IGF1R: variants seen among roughly 807,000 people sequenced by gnomAD.
The protein encoded by IGF1R is insulin like growth factor 1 receptor, also known as insulin-like growth factor 1 receptor.
Under a neutral mutation model 144.6 loss-of-function variants are expected in IGF1R, and 44 were observed. The ratio of observed to expected loss-of-function variants is 0.30; its 90% CI spans 0.24 to 0.39. IGF1R has a LOEUF of 0.39. Among genes scored for constraint, IGF1R ranks in the 10% least tolerant of loss-of-function variants. The pLI is 1.00. For missense variants in IGF1R, 1,355 were observed against 1,833.7 expected (o/e 0.74, Z 4.77); for synonymous variants, 795 against 722.8 (o/e 1.10, Z -1.60).
At chr15:98,911,273 C>T (rs1174624378) in intron 6 of IGF1R, 42 bp from the exon 7 acceptor site, 8 of 1,612,894 alleles carry the variant, frequency 5.0e-6, no homozygotes, top group Non-Finnish European at 6.8e-6. Flanking sequence ...TTTTCAGAGA[C>T]ACATGAATCT....
intron 17 of IGF1R, among the ~76,000 whole-genome samples, chr15:98,938,411 G>A (rs2016238843): frequency 1.3e-5 from 2 of 152,200 alleles, no homozygotes; most frequent in Non-Finnish European, 2.9e-5. Context: ...GTTTTAGGAT[G>A]GAGAGACTTG....
intron 5 of IGF1R, among the ~76,000 whole-genome samples, chr15:98,905,290 T>C (rs906757958): frequency 2.0e-5 from 3 of 152,030 alleles, no homozygotes; most frequent in African/African-American, 7.3e-5. Flanking sequence ...TTTTACAACA[T>C]AGAGAAGGCT....
chr15:98,884,314 C>G (rs2013531507), intron 2 of IGF1R, among the ~76,000 whole-genome samples: 1 of 152,218 alleles, frequency 6.6e-6, no homozygotes, highest in Admixed American at 6.5e-5. Flanking sequence ...TCCACACAAA[C>G]TGCACGCCAG....
chr15:98,916,478 T>C, intron 9 of IGF1R, 194 bp from the exon 10 acceptor site: 1 of 638,496 alleles, frequency 1.6e-6, no homozygotes, highest in Non-Finnish European at 2.8e-6. Flanking sequence ...CCCAGGCTGG[T>C]CTGAAACTCC....
At chr15:98,693,606 C>T (rs2053530545) in intron 1 of IGF1R, among the ~76,000 whole-genome samples, 2 of 152,144 alleles carry the variant, frequency 1.3e-5, no homozygotes, top group Non-Finnish European at 2.9e-5. Flanking sequence ...GAATGACCTC[C>T]TGTTTTGTTT....
chr15:98,939,827 C>T (rs2016300567), intron 18 of IGF1R, among the ~76,000 whole-genome samples: 1 of 152,234 alleles, frequency 6.6e-6, no homozygotes, highest in Non-Finnish European at 1.5e-5. Flanking sequence ...CTGCACGGAG[C>T]AGGAGCAGTG....
In IGF1R at chr15:98,935,059, A is replaced by G; in HGVS notation, c.3186+6A>G. The G allele has an allele frequency of 6.2e-7, 1 of 1,610,608 alleles. No individual in the cohort carries two copies. The highest frequency in any genetic ancestry group is 8.5e-7 in the Non-Finnish European group (1 of 1,176,838). On this transcript the variant is annotated splice_donor_region_variant and intron_variant, in intron 16 of 20. Transcript: ENST00000650285. This position sits in a 1 kb window ranked among gnomAD's most constrained non-coding sequence, Gnocchi z 4.2. Reference sequence around the variant, plus strand: ...AGTTCAATTGTCACCATGTGGTAAGAGAAAGTTCCTGAAAAGCCAAAATGC... The same window carrying G: ...AGTTCAATTGTCACCATGTGGTAAGGGAAAGTTCCTGAAAAGCCAAAATGC...
intron 6 of IGF1R, among the ~76,000 whole-genome samples, chr15:98,909,229 T>C (rs917252661): frequency 8.9e-5 from 13 of 146,102 alleles, no homozygotes; most frequent in Non-Finnish European, 1.9e-4. Context: ...TATTTCTCTT[T>C]CTTTTTTCTT....
At chr15:98,883,461 C>T (rs1241485070) in intron 2 of IGF1R, among the ~76,000 whole-genome samples, 1 of 152,216 alleles carries the variant, frequency 6.6e-6, no homozygotes, top group Non-Finnish European at 1.5e-5. Context: ...TCCAACCTAG[C>T]AGACTTGTTT....
chr15:98,942,849 G>A lies in IGF1R; in HGVS notation c.3458-74G>A, dbSNP rs970570151. ...CCTTGCGTCTCTCCACACATAATGA[G>A]TGTAGGGTCCTCTGCTGTGACAGCA... On this transcript the variant is annotated intron_variant, in intron 18 of 20. Transcript: ENST00000650285. 5.0e-6 allele frequency: 8 copies of A among 1,592,978 alleles called. No individual in the cohort carries two copies. The African/African-American group carries it at 6.7e-5, about 13-fold the overall frequency.
chr15:98,817,696 T>C (rs1335623661), intron 2 of IGF1R, among the ~76,000 whole-genome samples: 1 of 152,220 alleles, frequency 6.6e-6, no homozygotes, highest in Non-Finnish European at 1.5e-5. Context: ...GACAAATTAC[T>C]GTAGCCTGGG....
intron 15 of IGF1R, among the ~76,000 whole-genome samples, chr15:98,930,727 T>G (rs545586491): frequency 6.6e-6 from 1 of 152,318 alleles, no homozygotes; most frequent in South Asian, 2.1e-4. Flanking sequence ...TTTGATGAAT[T>G]ACAGCTCTGC....
At chr15:98,743,956 A>G (rs141253775) in intron 2 of IGF1R, among the ~76,000 whole-genome samples, 48 of 152,302 alleles carry the variant, frequency 3.2e-4, no homozygotes, top group African/African-American at 1.0e-3. Context: ...AACTATGGCA[A>G]TGCCCATTAC....
intron 1 of IGF1R, among the ~76,000 whole-genome samples, chr15:98,651,254 A>G (rs1158369215): frequency 2.0e-5 from 3 of 152,248 alleles, no homozygotes; most frequent in Non-Finnish European, 4.4e-5. Context: ...ACGTCTGGTA[A>G]GAAATGAGTC....
rs533498386 is a variant in IGF1R, at chr15:98,843,901, C to A, written c.641-47424C>A. Among the ~76,000 whole-genome samples the A allele has an allele frequency of 1.1e-4, 17 of 152,338 alleles. No individual in the cohort carries two copies. In the East Asian group the frequency reaches 3.3e-3, roughly 29 times the overall value. On this transcript the variant is annotated intron_variant, in intron 2 of 20. Coordinates refer to ENST00000650285, the MANE Select transcript of IGF1R (RefSeq NM_000875.5). ...AATGAAAAAATTCCATCCTCACCAG[C>A]CGCTGAAACATAGTAATACTGCAGA...
chr15:98,961,903 A>T lies in IGF1R; in HGVS notation c.*4461A>T, dbSNP rs908095134. 4.3e-6 allele frequency: 1 copy of T among 233,220 alleles called. No homozygotes were observed. The highest frequency in any genetic ancestry group is 8.5e-6 in the Non-Finnish European group (1 of 118,076). The allele number at this position is 233,220 out of a possible 1,614,324, so 14.4% of individuals were successfully genotyped here. ...GCGGAGTCACATTTCAATGGTACGAAAAGTGGCTTCGTAAAATAGAAGAGC... is the reference window on the plus strand; with the variant it reads ...GCGGAGTCACATTTCAATGGTACGATAAGTGGCTTCGTAAAATAGAAGAGC... On this transcript the variant is annotated 3_prime_UTR_variant, in exon 21 of 21. Transcript: ENST00000650285.
intron 2 of IGF1R, among the ~76,000 whole-genome samples, chr15:98,716,944 A>T (rs1242331111): frequency 1.3e-5 from 2 of 152,168 alleles, no homozygotes; most frequent in Non-Finnish European, 2.9e-5. Context: ...CCGTGGGGGC[A>T]GAAGCTACCA....
rs72476452 is a variant in IGF1R at position 98,768,763 on chromosome 15, CAAAAAAA to C, written c.640+60668_640+60674del. On this transcript the variant is annotated intron_variant, in intron 2 of 20. Coordinates refer to ENST00000650285, the MANE Select transcript of IGF1R (RefSeq NM_000875.5). ...TGAAACCCCGTCTCTACTAAAAATA[CAAAAAAA>C]AAAAAAAAAAAGCCGGGCGCGGTGC... Among the ~76,000 whole-genome samples the C allele has an allele frequency of 7.0e-5, 6 of 86,260 alleles. No homozygotes were observed. The South Asian group carries it at 1.5e-3, about 21-fold the overall frequency. 56.6% of individuals were successfully genotyped at this position (86,260 alleles called of 152,430 possible).
chr15:98,922,454 C>T (rs1461722993), intron 11 of IGF1R, 23 bp downstream of exon 11: 3 of 1,603,430 alleles, frequency 1.9e-6, no homozygotes, highest in South Asian at 2.2e-5. Flanking sequence ...CCAGCTGGCC[C>T]CATTGCCACC....
Sources: allele counts gnomAD v4.1 joint callset (sites outside exome capture counted in the v4.1 genomes callset), GRCh38; gene constraint gnomAD v4.1.1; non-coding constraint Gnocchi (gnomAD v3.1); transcripts MANE v1.5; gene names NCBI Gene and HGNC (gene_info 2026-07-23, HGNC 2026-07-21).